Variants in BNC2 observed in about 807,000 individuals in gnomAD.
BNC2 encodes basonuclin zinc finger protein 2.
Under a neutral mutation model 76.3 loss-of-function variants are expected in BNC2, and 20 were observed. The observed-to-expected ratio is 0.26, with a 90% CI of 0.18 to 0.38. The LOEUF is 0.38. Among genes scored for constraint, BNC2 ranks in the 10% least tolerant of loss-of-function variants. The pLI, the probability that BNC2 is intolerant of heterozygous loss-of-function variation, is 1.00. For synonymous variants in BNC2, 582 were observed against 514.8 expected, an observed-to-expected ratio of 1.13 and a Z score of -1.77; for missense variants, 1,382 against 1,399.8, an observed-to-expected ratio of 0.99 and a Z score of 0.20.
At chr9:16,541,264 C>T (rs1192081196) in intron 5 of BNC2, among the ~76,000 whole-genome samples, 1 of 152,128 alleles carries the variant, frequency 6.6e-6, no homozygotes, top group Non-Finnish European at 1.5e-5. Context: ...TAAAGCACTG[C>T]AAGAAAGGAA....
chr9:16,709,751 C>T (rs937743120), intron 3 of BNC2, among the ~76,000 whole-genome samples: 1 of 151,992 alleles, frequency 6.6e-6, no homozygotes, highest in Non-Finnish European at 1.5e-5. Context: ...AGTTTTGTTG[C>T]CAAAATTAAA....
chr9:16,672,262 C>T (rs1822499200), intron 3 of BNC2, among the ~76,000 whole-genome samples: 1 of 152,164 alleles, frequency 6.6e-6, no homozygotes, highest in Admixed American at 6.5e-5. Context: ...CTTTGGGAGG[C>T]CGAGGCGGGC....
intron 1 of BNC2, chr9:16,867,308 A>G (rs760617955): frequency 6.6e-6 from 1 of 151,908 alleles, no homozygotes; most frequent in Non-Finnish European, 1.5e-5. Flanking sequence ...CATGTACCAT[A>G]GTATTTATAC....
rs531299084 is a variant in BNC2 at position 16,553,280 on chromosome 9, A to AG, written c.434-516dup. 1.7e-4 allele frequency among the ~76,000 whole-genome samples: 26 copies of AG among 152,346 alleles called. No homozygotes were observed. In the East Asian group the frequency reaches 4.8e-3, roughly 28 times the overall value. On this transcript the variant is annotated intron_variant, in intron 4 of 6. Transcript: ENST00000380672. Reference sequence around the variant, plus strand: ...AGGAAGAGAGTGTTCTTTAGACGACAGGGGTGAAAGACCTAATTTGGAGGG... The same window carrying AG: ...AGGAAGAGAGTGTTCTTTAGACGACAGGGGGTGAAAGACCTAATTTGGAGGG...
At chr9:16,793,733 TG>T in intron 1 of BNC2, among the ~76,000 whole-genome samples, 1 of 138,938 alleles carries the variant, frequency 7.2e-6, no homozygotes, top group East Asian at 2.2e-4. Flanking sequence ...TGGCGTGATC[TG>T]GGCTCATTGC....
chr9:16,667,563 A>T (rs987286129), intron 3 of BNC2, among the ~76,000 whole-genome samples: 2 of 152,188 alleles, frequency 1.3e-5, no homozygotes, highest in Non-Finnish European at 2.9e-5. Context: ...CTGAGCAAAT[A>T]ATACTTTCAA....
chr9:16,761,634 A>T (rs1290657415), intron 1 of BNC2, among the ~76,000 whole-genome samples: 1 of 152,202 alleles, frequency 6.6e-6, no homozygotes, highest in East Asian at 1.9e-4. Context: ...TAAGTTCAGG[A>T]TTCTAGTTAT....
intron 4 of BNC2, among the ~76,000 whole-genome samples, chr9:16,561,346 G>A (rs550745952): frequency 6.6e-6 from 1 of 152,272 alleles, no homozygotes; most frequent in Admixed American, 6.5e-5. Context: ...GAAACGGGGA[G>A]GGATGGCTTA....
chr9:16,784,945 C>T (rs1353554095), intron 1 of BNC2, among the ~76,000 whole-genome samples: 2 of 152,074 alleles, frequency 1.3e-5, no homozygotes, highest in African/African-American at 2.4e-5. Context: ...AATAAGATGA[C>T]GATCATTCAA....
rs140295603 is a variant in BNC2, at chr9:16,844,595, T to A, written c.3+26051A>T. Among the ~76,000 whole-genome samples, 347 of 149,822 alleles carry A rather than the reference T, an allele frequency of 2.3e-3. 2 individuals carry two copies. In the East Asian group the frequency reaches 0.046, roughly 20 times the overall value. On this transcript the variant is annotated intron_variant, in intron 1 of 6. Coordinates refer to ENST00000380672, the MANE Select transcript of BNC2 (RefSeq NM_017637.6). ...TCACTGCAACCTCCGCCTACCAGGTTCAAGCGATTCTTCCTGCCTCAGCCT... is the reference window on the plus strand; with the variant it reads ...TCACTGCAACCTCCGCCTACCAGGTACAAGCGATTCTTCCTGCCTCAGCCT...
intron 5 of BNC2, among the ~76,000 whole-genome samples, chr9:16,473,590 T>C (rs977841354): frequency 2.0e-5 from 3 of 152,152 alleles, no homozygotes; most frequent in Non-Finnish European, 4.4e-5. Flanking sequence ...GATACGATGA[T>C]GGGACCGGGC....
At chr9:16,761,521 C>G (rs1051299327) in intron 1 of BNC2, among the ~76,000 whole-genome samples, 1 of 152,060 alleles carries the variant, frequency 6.6e-6, no homozygotes, top group Non-Finnish European at 1.5e-5. Context: ...TTCAAACAAA[C>G]AAATCAATAC....
rs1820550887 is a variant in BNC2, at chr9:16,414,865, T to G, written c.*4124A>C. ...TTGTATTTGGTGGGAACCTAGTGCA[T>G]AGTTTCTCCTGAGGAGAAGCCTCTG... On this transcript the variant is annotated 3_prime_UTR_variant, in exon 7 of 7. Transcript: ENST00000380672. The G allele has an allele frequency of 6.6e-6, 1 of 151,942 alleles. No individual in the cohort carries two copies. The highest frequency in any genetic ancestry group is 6.6e-5 in the Admixed American group (1 of 15,258). The allele number at this position is 151,942 out of a possible 1,614,324, so 9.4% of individuals were successfully genotyped here.
intron 5 of BNC2, among the ~76,000 whole-genome samples, chr9:16,540,594 A>G (rs1818289014): frequency 6.6e-6 from 1 of 152,160 alleles, no homozygotes; most frequent in Non-Finnish European, 1.5e-5. Context: ...CTGGCTACAA[A>G]AAAGTGTATA....
At chr9:16,516,099 C>G (rs1214265469) in intron 5 of BNC2, among the ~76,000 whole-genome samples, 2 of 152,216 alleles carry the variant, frequency 1.3e-5, no homozygotes, top group East Asian at 1.9e-4. Flanking sequence ...GCCACTGTTT[C>G]TAAGTGCCTT....
At chr9:16,746,894 A>G (rs1825025585) in intron 1 of BNC2, among the ~76,000 whole-genome samples, 1 of 151,474 alleles carries the variant, frequency 6.6e-6, no homozygotes, top group African/African-American at 2.4e-5. Context: ...CTCTGGAGGC[A>G]GAGCTTGCAG....
chr9:16,773,435 T>C (rs1825880505), intron 1 of BNC2, among the ~76,000 whole-genome samples: 1 of 151,298 alleles, frequency 6.6e-6, no homozygotes, highest in African/African-American at 2.4e-5. Flanking sequence ...CTTTTCAGCG[T>C]CACAAGGTTT....
chr9:16,867,581 CTG>C (rs1819573565), intron 1 of BNC2: 1 of 152,108 alleles, frequency 6.6e-6, no homozygotes, highest in Non-Finnish European at 1.5e-5. Flanking sequence ...GAACCCTTAA[CTG>C]TAAAATTAAA....
intron 1 of BNC2, among the ~76,000 whole-genome samples, chr9:16,837,337 C>A (rs1818730567): frequency 6.6e-6 from 1 of 152,092 alleles, no homozygotes; most frequent in Admixed American, 6.5e-5. Flanking sequence ...AATCCCGTCT[C>A]TACTAAAAAT....
Sources: gnomAD v4.1 joint callset for allele counts (sites outside exome capture counted in the v4.1 genomes callset) on GRCh38, gnomAD v4.1.1 for gene constraint, MANE v1.5 for transcripts, NCBI Gene and HGNC (gene_info 2026-07-23, HGNC 2026-07-21) for gene names.